Variants in TSPEAR observed in about 807,000 individuals in gnomAD.
The protein encoded by TSPEAR is thrombospondin-type laminin G domain and EAR repeat-containing protein.
Under a neutral mutation model 71.6 loss-of-function variants are expected in TSPEAR, and 69 were observed. The observed-to-expected ratio is 0.96, with a 90% CI of 0.79 to 1.18. The LOEUF (loss-of-function observed/expected upper bound fraction) is 1.18, where lower values mean the gene tolerates loss of function less well. Among genes scored for constraint, TSPEAR ranks in the 50% most tolerant of loss-of-function variants. TSPEAR has a pLI of 0.00. For missense variants in TSPEAR, 971 were observed against 894.9 expected (o/e 1.09, Z -1.09); for synonymous variants, 402 against 387.2 (o/e 1.04, Z -0.45).
intron 1 of TSPEAR, among the ~76,000 whole-genome samples, chr21:44,656,732 G>A (rs995555776): frequency 6.6e-6 from 1 of 151,926 alleles, no homozygotes; most frequent in African/African-American, 2.4e-5. Flanking sequence ...TGGTGCCTTG[G>A]GCCATTATTT....
chr21:44,503,182 G>A (rs1222714220), intron 11 of TSPEAR, among the ~76,000 whole-genome samples: 6 of 128,716 alleles, frequency 4.7e-5, no homozygotes, highest in Admixed American at 1.6e-4. Context: ...GGTGGAAGCC[G>A]GCCTTGGTGA....
intron 4 of TSPEAR, 105 bp downstream of exon 4, chr21:44,530,938 A>T: frequency 1.1e-6 from 1 of 918,084 alleles, no homozygotes. Flanking sequence ...TTCTTTTCCC[A>T]GTTAGCACGT....
At chr21:44,647,707 T>G (rs13052076) in intron 1 of TSPEAR, 2 of 331,150 alleles carry the variant, frequency 6.0e-6, no homozygotes, top group Admixed American at 8.6e-5. Flanking sequence ...TACTCCAAAT[T>G]TGGGGTGTGG....
At chr21:44,704,142 G>T (rs1255387527) in intron 1 of TSPEAR, among the ~76,000 whole-genome samples, 1 of 152,154 alleles carries the variant, frequency 6.6e-6, no homozygotes, top group African/African-American at 2.4e-5. Flanking sequence ...AATTAGAACA[G>T]GGTTGGTGTA....
chr21:44,574,206 C>G, intron 1 of TSPEAR: 1 of 1,603,024 alleles, frequency 6.2e-7, no homozygotes, highest in South Asian at 1.1e-5. Context: ...CACCTCCTCC[C>G]CCTGCCAGCA....
chr21:44,696,713 C>G (rs1555950563), intron 1 of TSPEAR, among the ~76,000 whole-genome samples: 1 of 152,224 alleles, frequency 6.6e-6, no homozygotes, highest in Non-Finnish European at 1.5e-5. Context: ...GTAAGCAATA[C>G]CAAATGACAA....
At chr21:44,558,139 A>G in intron 2 of TSPEAR, 1 of 1,613,204 alleles carries the variant, frequency 6.2e-7, no homozygotes, top group South Asian at 1.1e-5. Flanking sequence ...GACACGCAGG[A>G]GGCCGGGCGG....
intron 8 of TSPEAR, among the ~76,000 whole-genome samples, chr21:44,524,384 C>T (rs2052803661): frequency 6.6e-6 from 1 of 151,814 alleles, no homozygotes; most frequent in African/African-American, 2.4e-5. Flanking sequence ...GGTAATCAGT[C>T]AGTTAGTGGG....
rs1044273915 is a variant in TSPEAR at position 44,520,622 on chromosome 21, C to G, written c.1566+1261G>C. The G allele has an allele frequency of 6.6e-6, 1 of 152,374 alleles. No homozygotes were observed. Among genetic ancestry groups the G allele is most frequent in the East Asian group, 1.9e-4 (1 of 5,168 alleles). 9.4% of individuals were successfully genotyped at this position (152,374 alleles called of 1,614,324 possible). On this transcript the variant is annotated intron_variant, in intron 9 of 11. Transcript: ENST00000323084. The surrounding 1 kb of genome is among the most constrained non-coding windows in gnomAD (Gnocchi z 4.2). ...GGGCTTCTCAAGGTGGTCACACTCC[C>G]GGTTTCCTAAGCTGCTCTTACTCCT...
chr21:44,603,956 G>A (rs587749225), intron 1 of TSPEAR, among the ~76,000 whole-genome samples: 2 of 152,238 alleles, frequency 1.3e-5, no homozygotes, highest in Admixed American at 6.5e-5. Flanking sequence ...CACCTGTGGG[G>A]CATCACGGGG....
At chr21:44,706,337 AC>A (rs1555952335) in intron 1 of TSPEAR, among the ~76,000 whole-genome samples, 3 of 151,856 alleles carry the variant, frequency 2.0e-5, no homozygotes, top group Non-Finnish European at 4.4e-5. Flanking sequence ...CCACGTGCAC[AC>A]CCCCATGCAC....
At position 44,705,825 on chromosome 21, in the gene TSPEAR, G is replaced by A. The variant is rs898106562; in HGVS notation, c.82+5608C>T. On this transcript the variant is annotated intron_variant, in intron 1 of 11. Coordinates refer to ENST00000323084, the MANE Select transcript of TSPEAR (RefSeq NM_144991.3). Reference sequence around the variant, plus strand: ...CTCGCCCTGCCTCCACTGGCCTTGTGATATTCTATTACCCTGTTAAGTACT... The same window carrying A: ...CTCGCCCTGCCTCCACTGGCCTTGTAATATTCTATTACCCTGTTAAGTACT... Among the ~76,000 whole-genome samples, 9 of 149,376 alleles carry A rather than the reference G, an allele frequency of 6.0e-5. 1 individual carries two copies. In the East Asian group the frequency reaches 1.6e-3, roughly 26 times the overall value.
Position 44,586,295 on chromosome 21 carries a change from C to T in TSPEAR, c.83-18290G>A, listed in dbSNP as rs138579344. Among the ~76,000 whole-genome samples the T allele has an allele frequency of 7.4e-3, 1,133 of 152,304 alleles. 12 individuals are homozygous for T. Among genetic ancestry groups the T allele is most frequent in the Admixed American group, 0.012 (189 of 15,298 alleles). On this transcript the variant is annotated intron_variant, in intron 1 of 11. Transcript: ENST00000323084. ...GTTGAATTTTACAGTCAAGAAAACC[C>T]GATCTTTTTGTCTTGTCTGTCGCAG...
At position 44,677,762 on chromosome 21, in the gene TSPEAR, T is replaced by C. The variant is rs1310376342; in HGVS notation, c.82+33671A>G. 6 of 1,335,440 alleles carry C rather than the reference T, an allele frequency of 4.5e-6. No homozygotes were observed. The African/African-American group carries it at 7.2e-5, about 16-fold the overall frequency. The allele number at this position is 1,335,440 out of a possible 1,614,324, so 82.7% of individuals were successfully genotyped here. On this transcript the variant is annotated intron_variant, in intron 1 of 11. Coordinates refer to ENST00000323084, the MANE Select transcript of TSPEAR (RefSeq NM_144991.3). Reference sequence around the variant, plus strand: ...CTTCTGATACACTAGAGATTTTTAGTGGACCAGACTGAGTTGATTTCTTTG... The same window carrying C: ...CTTCTGATACACTAGAGATTTTTAGCGGACCAGACTGAGTTGATTTCTTTG...
At chr21:44,601,319 G>T in intron 1 of TSPEAR, 1 of 1,611,198 alleles carries the variant, frequency 6.2e-7, no homozygotes, top group South Asian at 1.1e-5. Flanking sequence ...GTGCCTGTCT[G>T]CTGCAAGCCC....
intron 2 of TSPEAR, among the ~76,000 whole-genome samples, chr21:44,544,737 G>A (rs2053273007): frequency 6.6e-6 from 1 of 152,138 alleles, no homozygotes; most frequent in African/African-American, 2.4e-5. Context: ...TGGCCTGGTG[G>A]GGGAGGAGCC....
chr21:44,504,929 G>T, intron 10 of TSPEAR, 48 bp from the exon 11 acceptor site: 6 of 1,483,620 alleles, frequency 4.0e-6, no homozygotes, highest in Non-Finnish European at 5.6e-6. Context: ...ACATCGCCAG[G>T]GAACTGGGGG....
chr21:44,517,815 C>G (rs905800738), intron 9 of TSPEAR: 3 of 471,108 alleles, frequency 6.4e-6, no homozygotes, highest in Non-Finnish European at 1.3e-5. Flanking sequence ...CAGGCTGCCG[C>G]GGCTCCTGTG....
chr21:44,549,261 G>A (rs2053357772), intron 2 of TSPEAR, among the ~76,000 whole-genome samples: 1 of 152,078 alleles, frequency 6.6e-6, no homozygotes, highest in African/African-American at 2.4e-5. Context: ...TGTAGGAAAA[G>A]CAGAAGGAAA....
Sources: allele counts gnomAD v4.1 joint callset (sites outside exome capture counted in the v4.1 genomes callset), GRCh38; gene constraint gnomAD v4.1.1; non-coding constraint Gnocchi (gnomAD v3.1); transcripts MANE v1.5; gene names NCBI Gene and HGNC (gene_info 2026-07-23, HGNC 2026-07-21).